SUPT3H: variants seen among roughly 807,000 people sequenced by gnomAD.
SUPT3H encodes the protein SPT3 homolog, SAGA and STAGA complex component.
In SUPT3H, 44 loss-of-function variants were observed where a neutral mutation model predicts 44.3. The observed-to-expected ratio is 0.99, with a 90% CI of 0.78 to 1.28. The LOEUF (loss-of-function observed/expected upper bound fraction) is 1.28, where lower values mean the gene tolerates loss of function less well. Among genes scored for constraint, SUPT3H ranks in the 50% most tolerant of loss-of-function variants. The probability of loss-of-function intolerance (pLI) is 0.00; values close to 1 mark genes in which losing one functional copy is unlikely to be tolerated. For missense variants in SUPT3H, 380 were observed against 387.1 expected, an observed-to-expected ratio of 0.98 and a Z score of 0.15; for synonymous variants, 124 against 125.6, an observed-to-expected ratio of 0.99 and a Z score of 0.09.
chr6:45,226,793 T>C (rs554190170), intron 2 of SUPT3H, among the ~76,000 whole-genome samples: 2 of 151,948 alleles, frequency 1.3e-5, no homozygotes, highest in Non-Finnish European at 2.9e-5. Flanking sequence ...CCTCCTAAAG[T>C]GCTGGGATTA....
In SUPT3H at chr6:45,343,911, G is replaced by T. The variant is rs147745109; in HGVS notation, c.101+21290C>A. Among the ~76,000 whole-genome samples the T allele has an allele frequency of 2.0e-5, 3 of 152,194 alleles. No individual in the cohort carries two copies. In the East Asian group the frequency reaches 5.8e-4, roughly 29 times the overall value. ...AGCCATCAAAGACCTCCACCTGACA[G>T]GTCTACAGGCTTTCATTTTATAACC... On this transcript the variant is annotated intron_variant, in intron 2 of 10. Coordinates refer to ENST00000371459, the MANE Select transcript of SUPT3H (RefSeq NM_003599.4).
At chr6:45,297,316 A>G (rs1584777601) in intron 2 of SUPT3H, among the ~76,000 whole-genome samples, 1 of 152,336 alleles carries the variant, frequency 6.6e-6, no homozygotes, top group East Asian at 1.9e-4. Flanking sequence ...TATCCTATAC[A>G]AAGTCCCTTA....
chr6:44,889,709 C>T (rs938294526), intron 10 of SUPT3H, among the ~76,000 whole-genome samples: 51 of 152,114 alleles, frequency 3.4e-4, no homozygotes, highest in Admixed American at 1.3e-4. Flanking sequence ...TGGGCAAGGA[C>T]TTCATGTCTA....
intron 11 of SUPT3H, among the ~76,000 whole-genome samples, chr6:44,811,299 T>G (rs1380113190): frequency 6.6e-6 from 1 of 152,130 alleles, no homozygotes; most frequent in African/African-American, 2.4e-5. Flanking sequence ...GGGTTATGGG[T>G]TATTGGGAAG....
At chr6:45,294,631 C>A (rs932745856) in intron 2 of SUPT3H, among the ~76,000 whole-genome samples, 1 of 146,428 alleles carries the variant, frequency 6.8e-6, no homozygotes, top group Non-Finnish European at 1.5e-5. Context: ...CAGCAAAGTT[C>A]CCGGACACAA....
intron 10 of SUPT3H, among the ~76,000 whole-genome samples, chr6:44,860,180 T>C (rs1231318971): frequency 6.6e-6 from 1 of 152,194 alleles, no homozygotes; most frequent in East Asian, 1.9e-4. Context: ...AGTGAAGCCA[T>C]TCAAATTCCC....
intron 10 of SUPT3H, among the ~76,000 whole-genome samples, chr6:44,898,082 T>A (rs1031903920): frequency 6.6e-6 from 1 of 152,196 alleles, no homozygotes; most frequent in African/African-American, 2.4e-5. Context: ...GACTAAGAAT[T>A]TGCATTGGGA....
chr6:44,845,274 C>G (rs950353996), intron 10 of SUPT3H, among the ~76,000 whole-genome samples: 6 of 152,186 alleles, frequency 3.9e-5, no homozygotes, highest in Admixed American at 3.9e-4. Context: ...AACAGGGTCT[C>G]CTGGGACTCA....
intron 10 of SUPT3H, among the ~76,000 whole-genome samples, chr6:44,928,909 A>AAAAAAAAAAAAAAG (rs1491361687): frequency 1.4e-5 from 2 of 139,076 alleles, no homozygotes; most frequent in African/African-American, 5.4e-5. Flanking sequence ...AAAAAAGAAA[A>AAAAAAAAAAAAAAG]GAAAAGAAAC....
At chr6:44,887,266 A>C (rs1762470772) in intron 10 of SUPT3H, among the ~76,000 whole-genome samples, 1 of 152,184 alleles carries the variant, frequency 6.6e-6, no homozygotes, top group Non-Finnish European at 1.5e-5. Context: ...CACCAAGCTG[A>C]CCTAATAGAC....
intron 10 of SUPT3H, among the ~76,000 whole-genome samples, chr6:44,900,497 G>A (rs982679142): frequency 1.3e-5 from 2 of 152,252 alleles, no homozygotes; most frequent in Non-Finnish European, 2.9e-5. Flanking sequence ...CATTGCCGAG[G>A]CTTGAGTAGG....
At chr6:45,206,544 T>TA (rs574739956) in intron 2 of SUPT3H, among the ~76,000 whole-genome samples, 37 of 148,636 alleles carry the variant, frequency 2.5e-4, no homozygotes, top group East Asian at 7.9e-4. Flanking sequence ...ATTATAAAAG[T>TA]AAAAAAAAAA....
intron 10 of SUPT3H, among the ~76,000 whole-genome samples, chr6:44,866,556 G>C (rs1019484360): frequency 2.0e-5 from 3 of 151,522 alleles, no homozygotes; most frequent in African/African-American, 7.3e-5. Flanking sequence ...CTTTACAACT[G>C]TCTTCTATAC....
chr6:44,922,591 C>T (rs558963382), intron 10 of SUPT3H, among the ~76,000 whole-genome samples: 4 of 152,166 alleles, frequency 2.6e-5, no homozygotes, highest in African/African-American at 9.6e-5. Context: ...AAACAAAACA[C>T]ACTTATGAAT....
At chr6:44,891,808 A>G (rs1365636603) in intron 10 of SUPT3H, among the ~76,000 whole-genome samples, 1 of 152,052 alleles carries the variant, frequency 6.6e-6, no homozygotes, top group African/African-American at 2.4e-5. Flanking sequence ...CAGGAAAAAA[A>G]AGATGGTTGA....
intron 10 of SUPT3H, among the ~76,000 whole-genome samples, chr6:44,869,322 TG>T (rs1775985004): frequency 6.6e-6 from 1 of 152,090 alleles, no homozygotes; most frequent in Non-Finnish European, 1.5e-5. Context: ...AACAACTCCT[TG>T]GGAGTTCATT....
intron 10 of SUPT3H, among the ~76,000 whole-genome samples, chr6:44,931,315 C>A (rs137969250): frequency 1.3e-5 from 2 of 152,142 alleles, no homozygotes; most frequent in South Asian, 2.1e-4. Context: ...ACTGTCTCAA[C>A]CTATTCATCA....
At chr6:44,888,478 A>C (rs911189505) in intron 10 of SUPT3H, among the ~76,000 whole-genome samples, 2 of 152,252 alleles carry the variant, frequency 1.3e-5, no homozygotes, top group South Asian at 2.1e-4. Flanking sequence ...AATCAATAAA[A>C]GTAATCCAGC....
At chr6:45,191,612 T>C (rs1015444844) in intron 2 of SUPT3H, among the ~76,000 whole-genome samples, 2 of 152,070 alleles carry the variant, frequency 1.3e-5, no homozygotes, top group Non-Finnish European at 2.9e-5. Context: ...ATTGAAACTG[T>C]AGGGAGGGTG....
Sources: allele counts gnomAD v4.1 joint callset (sites outside exome capture counted in the v4.1 genomes callset), GRCh38; gene constraint gnomAD v4.1.1; transcripts MANE v1.5; gene names NCBI Gene and HGNC (gene_info 2026-07-23, HGNC 2026-07-21).